AGBL1: variants seen among roughly 807,000 people sequenced by gnomAD.
AGBL1 encodes the protein cytosolic carboxypeptidase 4.
Under a neutral mutation model 118.9 loss-of-function variants are expected in AGBL1, and 130 were observed. The observed-to-expected ratio is 1.09, with a 90% confidence interval of 0.95 to 1.26. The LOEUF (loss-of-function observed/expected upper bound fraction) is 1.26. AGBL1 is among the 50% of genes most tolerant of loss of function. AGBL1 has a pLI of 0.00. For synonymous variants in AGBL1, 555 were observed against 478.9 expected (o/e 1.16, Z -2.08); for missense variants, 1,584 against 1,298.1 (o/e 1.22, Z -3.38).
At chr15:86,472,885 C>A (rs1021377142) in intron 18 of AGBL1, among the ~76,000 whole-genome samples, 1 of 152,226 alleles carries the variant, frequency 6.6e-6, no homozygotes, top group African/African-American at 2.4e-5. Context: ...CACCACTGCA[C>A]TCTAGTCTGG....
At chr15:86,355,357 A>G (rs2080696603) in intron 17 of AGBL1, among the ~76,000 whole-genome samples, 1 of 152,246 alleles carries the variant, frequency 6.6e-6, no homozygotes, top group Admixed American at 6.5e-5. Flanking sequence ...TCAGGTATAC[A>G]TAGCTTTATG....
intron 22 of AGBL1, among the ~76,000 whole-genome samples, chr15:86,802,112 G>A (rs1376942072): frequency 6.6e-6 from 1 of 152,134 alleles, no homozygotes; most frequent in African/African-American, 2.4e-5. Flanking sequence ...TATACAGGGA[G>A]ACTAAGTTTA....
At chr15:86,821,059 C>T (rs12913756) in intron 22 of AGBL1, among the ~76,000 whole-genome samples, 46,299 of 151,950 alleles carry the variant, frequency 0.3, 8,982 homozygotes, top group Non-Finnish European at 0.45. Flanking sequence ...AATCTTCGTT[C>T]TCAGCAAACT....
At chr15:86,956,249 ATAGATAGATAGAT>A (rs951481152) in intron 23 of AGBL1, among the ~76,000 whole-genome samples, 5 of 151,732 alleles carry the variant, frequency 3.3e-5, no homozygotes, top group East Asian at 3.9e-4. Flanking sequence ...AGATAGATAG[ATAGATAGATAGAT>A]TAGATAGATG....
Position 86,377,199 on chromosome 15 carries a change from C to A in AGBL1, c.2375-20167C>A, listed in dbSNP as rs77427386. ...TGCATTGGATTATATGGACCAATGCCCCAAGAGATGGATTTTAAAAATCAC... is the reference window on the plus strand; with the variant it reads ...TGCATTGGATTATATGGACCAATGCACCAAGAGATGGATTTTAAAAATCAC... On this transcript the variant is annotated intron_variant, in intron 17 of 22. Coordinates refer to ENST00000614907, the MANE Select transcript of AGBL1 (RefSeq NM_001386094.1). Among the ~76,000 whole-genome samples the A allele has an allele frequency of 1.6e-3, 240 of 151,906 alleles. 6 individuals carry two copies. The East Asian group carries it at 0.034, about 21-fold the overall frequency.
At chr15:86,387,609 A>G (rs1016832215) in intron 17 of AGBL1, among the ~76,000 whole-genome samples, 2 of 152,212 alleles carry the variant, frequency 1.3e-5, no homozygotes, top group African/African-American at 2.4e-5. Flanking sequence ...ATTACTTACA[A>G]TTTGTGAAGA....
chr15:86,484,126 A>G (rs1243535408), intron 18 of AGBL1, among the ~76,000 whole-genome samples: 1 of 152,114 alleles, frequency 6.6e-6, no homozygotes, highest in Non-Finnish European at 1.5e-5. Flanking sequence ...CCAGTGCAAC[A>G]TCTGGCTTGA....
At chr15:86,442,464 C>T (rs1462818078) in intron 18 of AGBL1, among the ~76,000 whole-genome samples, 2 of 152,188 alleles carry the variant, frequency 1.3e-5, no homozygotes, top group Non-Finnish European at 2.9e-5. Flanking sequence ...TTCAAAATTT[C>T]ATTGGGAATG....
Position 86,200,272 on chromosome 15 carries a change from T to C in AGBL1, c.489-24642T>C, listed in dbSNP as rs1425547769. ...CATAAAAAAAGAAAAAGAACCAGTGTCATTAAATTGATGGATCAGAGACTT... is the reference window on the plus strand; with the variant it reads ...CATAAAAAAAGAAAAAGAACCAGTGCCATTAAATTGATGGATCAGAGACTT... On this transcript the variant is annotated intron_variant, in intron 5 of 22. Coordinates refer to ENST00000614907, the MANE Select transcript of AGBL1 (RefSeq NM_001386094.1). 1.1e-4 allele frequency among the ~76,000 whole-genome samples: 16 copies of C among 152,302 alleles called. No homozygotes were observed. The South Asian group carries it at 3.1e-3, about 30-fold the overall frequency.
At chr15:86,450,430 A>G (rs1472867851) in intron 18 of AGBL1, among the ~76,000 whole-genome samples, 3 of 152,200 alleles carry the variant, frequency 2.0e-5, no homozygotes, top group African/African-American at 7.2e-5. Flanking sequence ...ATAAGGAAAG[A>G]AGTCTTTGAA....
chr15:86,946,196 C>T (rs909416216), intron 23 of AGBL1: 5 of 152,186 alleles, frequency 3.3e-5, no homozygotes, highest in African/African-American at 1.2e-4. Flanking sequence ...TGTTAAGGGG[C>T]TACTATTTGG....
chr15:86,758,269 C>T (rs2077970636), intron 22 of AGBL1, among the ~76,000 whole-genome samples: 1 of 152,074 alleles, frequency 6.6e-6, no homozygotes, highest in Admixed American at 6.6e-5. Flanking sequence ...CTTCCTTCTA[C>T]AAGGTCTTTG....
rs370629792 is a variant in AGBL1 at position 86,279,673 on chromosome 15, G to A, written c.2110G>A (p.Gly704Arg). Residue 704 changes from glycine to arginine, a missense_variant, in exon 16 of 23, where the codon GGA becomes AGA. Transcript: ENST00000614907. ...HYRQSTAVAGGASGKCYYTLT... is the reference protein window; with the variant it reads ...HYRQSTAVAGRASGKCYYTLT... Reference sequence around the variant, plus strand: ...TCGCCAGAGTACAGCTGTTGCAGGCGGAGCATCTGGGAAGTGCTACTATAC... The same window carrying A: ...TCGCCAGAGTACAGCTGTTGCAGGCAGAGCATCTGGGAAGTGCTACTATAC... The A allele has an allele frequency of 9.5e-5, 153 of 1,613,336 alleles. 1 individual carries two copies. The highest frequency in any genetic ancestry group is 7.9e-4 in the African/African-American group (59 of 74,920).
chr15:86,534,894 T>C (rs925653829), intron 19 of AGBL1, among the ~76,000 whole-genome samples: 1 of 152,132 alleles, frequency 6.6e-6, no homozygotes, highest in African/African-American at 2.4e-5. Flanking sequence ...AGGAAGAGCA[T>C]TGAATAGTAG....
chr15:86,883,298 C>G (rs1209670266), intron 22 of AGBL1, among the ~76,000 whole-genome samples: 1 of 152,150 alleles, frequency 6.6e-6, no homozygotes, highest in Non-Finnish European at 1.5e-5. Flanking sequence ...CTTTCCTTGG[C>G]TAACCAGCTC....
intron 22 of AGBL1, among the ~76,000 whole-genome samples, chr15:86,699,529 C>A (rs984157206): frequency 3.3e-5 from 5 of 151,568 alleles, no homozygotes; most frequent in Non-Finnish European, 4.4e-5. Flanking sequence ...AGAACAGTTC[C>A]TTGATCTTTC....
At chr15:86,726,883 T>C (rs1306139708) in intron 22 of AGBL1, among the ~76,000 whole-genome samples, 1 of 152,188 alleles carries the variant, frequency 6.6e-6, no homozygotes, top group Non-Finnish European at 1.5e-5. Flanking sequence ...TATCATTGGA[T>C]ACACCAGGTT....
chr15:86,779,336 T>G (rs996762633), intron 22 of AGBL1, among the ~76,000 whole-genome samples: 2 of 152,158 alleles, frequency 1.3e-5, no homozygotes, highest in Admixed American at 1.3e-4. Context: ...ACAAATAACT[T>G]TGTTTTATTC....
rs182897575 is a variant in AGBL1, at chr15:86,746,950, A to T, written c.3158+72514A>T. On this transcript the variant is annotated intron_variant, in intron 22 of 22. Coordinates refer to ENST00000614907, the MANE Select transcript of AGBL1 (RefSeq NM_001386094.1). ...GATTACCTTCTGATACTGTTTAACT[A>T]TTAAGGAATTGATAAGATCGCATGA... Among the ~76,000 whole-genome samples the T allele has an allele frequency of 2.9e-4, 44 of 152,226 alleles. 1 individual carries two copies. The South Asian group carries it at 5.2e-3, about 18-fold the overall frequency.
Sources: gnomAD v4.1 joint callset for allele counts (sites outside exome capture counted in the v4.1 genomes callset) on GRCh38, gnomAD v4.1.1 for gene constraint, MANE v1.5 for transcripts, NCBI Gene and HGNC (gene_info 2026-07-23, HGNC 2026-07-21) for gene names.